MIGA1: variants seen among roughly 807,000 people sequenced by gnomAD.
The protein encoded by MIGA1 is family with sequence similarity 73, member A.
MIGA1 carries 58 observed loss-of-function variants against 82.0 expected under a neutral mutation model. The ratio of observed to expected loss-of-function variants is 0.71; its 90% confidence interval spans 0.57 to 0.88. The LOEUF (loss-of-function observed/expected upper bound fraction) is 0.88. Ranked by LOEUF, MIGA1 falls within the 40% of genes least tolerant of loss-of-function variation. The probability of loss-of-function intolerance (pLI) is 0.00; values close to 1 mark genes in which losing one functional copy is unlikely to be tolerated. For synonymous variants in MIGA1, 249 were observed against 253.6 expected (o/e 0.98, Z 0.17); for missense variants, 751 against 749.1 (o/e 1.00, Z -0.03).
chr1:77,848,620 G>A, intron 8 of MIGA1: 1 of 1,499,668 alleles, frequency 6.7e-7, no homozygotes, highest in Non-Finnish European at 9.2e-7. Flanking sequence ...ATCACTGGGA[G>A]CAAAACACAG....
intron 7 of MIGA1, among the ~76,000 whole-genome samples, chr1:77,818,009 G>A (rs1683638185): frequency 6.8e-6 from 1 of 146,900 alleles, no homozygotes; most frequent in Non-Finnish European, 1.5e-5. Context: ...AGGCTGGAGT[G>A]CAGTGGTGTG....
intron 7 of MIGA1, among the ~76,000 whole-genome samples, chr1:77,821,650 C>T (rs775564425): frequency 7.9e-5 from 12 of 151,994 alleles, no homozygotes; most frequent in Non-Finnish European, 1.5e-4. Context: ...CGCCTCCGCC[C>T]CCCAAAGTGC....
chr1:77,789,050 G>A (rs1392235532), intron 2 of MIGA1, among the ~76,000 whole-genome samples: 2 of 151,732 alleles, frequency 1.3e-5, no homozygotes, highest in African/African-American at 4.8e-5. Context: ...CATGGGATGT[G>A]TTTCTGTTTA....
chr1:77,875,073 A>G lies in MIGA1; in HGVS notation c.*9A>G. The G allele has an allele frequency of 6.3e-7, 1 of 1,585,456 alleles. No individual in the cohort carries two copies. The highest frequency in any genetic ancestry group is 8.7e-7 in the Non-Finnish European group (1 of 1,155,152). ...AAGCCAAAGTACAATAAGTACCATA[A>G]GAATCATACAATTTGAGTGTGCTAT... is the stretch of plus-strand genomic sequence containing the variant. On this transcript the variant is annotated 3_prime_UTR_variant, in exon 16 of 16. Transcript: ENST00000370791.
rs1274121452 is a variant in MIGA1 at position 77,878,861 on chromosome 1, AAAGT to A, written c.*3800_*3803del. The A allele has an allele frequency of 2.7e-6, 1 of 370,758 alleles. No individual in the cohort carries two copies. Among genetic ancestry groups the A allele is most frequent in the South Asian group, 1.3e-4 (1 of 7,516 alleles). 23.0% of individuals were successfully genotyped at this position (370,758 alleles called of 1,614,324 possible). ...CTCCAAAGAACTTTGTCTTTCTCAT[AAAGT>A]AATATTCTTTATTTGCATCCATTTA... is the stretch of plus-strand genomic sequence containing the variant. On this transcript the variant is annotated 3_prime_UTR_variant, in exon 16 of 16. Transcript: ENST00000370791.
At chr1:77,841,563 T>C (rs553455307) in intron 7 of MIGA1, among the ~76,000 whole-genome samples, 1 of 151,088 alleles carries the variant, frequency 6.6e-6, no homozygotes, top group South Asian at 2.1e-4. Context: ...AGATTGATGC[T>C]TTGAATAAAA....
chr1:77,815,254 C>A, intron 7 of MIGA1, 23 bp downstream of exon 7: 3 of 1,534,516 alleles, frequency 2.0e-6, no homozygotes, highest in African/African-American at 1.4e-5. Flanking sequence ...TTTCATATGG[C>A]TTTTATGAAA....
chr1:77,869,308 A>G (rs1446631312), intron 14 of MIGA1, among the ~76,000 whole-genome samples: 2 of 143,952 alleles, frequency 1.4e-5, no homozygotes, highest in African/African-American at 5.2e-5. Flanking sequence ...TTTTCTTAGT[A>G]CAGAACAAAA....
intron 14 of MIGA1, among the ~76,000 whole-genome samples, chr1:77,868,958 T>C (rs368212772): frequency 1.3e-5 from 2 of 151,488 alleles, no homozygotes; most frequent in African/African-American, 4.9e-5. Flanking sequence ...TTTTTATTGA[T>C]CATTCTTGGG....
chr1:77,836,279 A>T (rs1313856845), intron 7 of MIGA1, among the ~76,000 whole-genome samples: 2 of 152,244 alleles, frequency 1.3e-5, no homozygotes, highest in Admixed American at 1.3e-4. Flanking sequence ...AAACTTACTC[A>T]AGGTTACACA....
intron 4 of MIGA1, among the ~76,000 whole-genome samples, chr1:77,805,461 C>CTTTTTTTTTTTTTTTTTTTTTTTTT (rs11408292): frequency 9.1e-6 from 1 of 110,408 alleles, no homozygotes. Context: ...TATGCCTATT[C>CTTTTTTTTTTTTTTTTTTTTTTTTT]TTTTTTTTTT....
chr1:77,848,934 G>A (rs1684942296), intron 8 of MIGA1: 1 of 436,202 alleles, frequency 2.3e-6, no homozygotes, highest in African/African-American at 2.0e-5. Flanking sequence ...AAAATTTTAG[G>A]TTAAAATCAA....
chr1:77,868,763 A>T (rs1685773003), intron 14 of MIGA1: 1 of 152,180 alleles, frequency 6.6e-6, no homozygotes, highest in African/African-American at 2.4e-5. Flanking sequence ...CTATATGTAG[A>T]ACATACTTTT....
rs529212162 is a variant in MIGA1, at chr1:77,875,862, G to A, written c.*798G>A. The A allele has an allele frequency of 6.6e-6, 1 of 152,244 alleles. No homozygotes were observed. The highest frequency in any genetic ancestry group is 1.9e-4 in the East Asian group (1 of 5,186). The allele number at this position is 152,244 out of a possible 1,614,324, so 9.4% of individuals were successfully genotyped here. A position where few individuals can be genotyped will look rare whatever the true frequency, so the allele number is the denominator to read the frequency against. On this transcript the variant is annotated 3_prime_UTR_variant, in exon 16 of 16. Transcript: ENST00000370791. ...AAAAAATAAAAATAGGCTGGGTGTG[G>A]TGGTTCATGCCTGTAATCCTAGCAC...
At chr1:77,850,863 T>TTTC (rs930491909) in intron 8 of MIGA1, among the ~76,000 whole-genome samples, 12 of 18,810 alleles carry the variant, frequency 6.4e-4, no homozygotes, top group Non-Finnish European at 8.4e-4. Context: ...TCTTTCTTTC[T>TTTC]TTTTTTTTTT....
intron 8 of MIGA1, among the ~76,000 whole-genome samples, chr1:77,858,360 T>TA (rs1234524434): frequency 1.3e-5 from 2 of 151,712 alleles, no homozygotes; most frequent in Non-Finnish European, 2.9e-5. Flanking sequence ...AAAAAAAAGA[T>TA]ACAGTATTGG....
rs370853957 is a variant in MIGA1, at chr1:77,872,973, A to G, written c.1564-31A>G. Reference sequence around the variant, plus strand: ...AGAAAGCAAGTAACAAGAAGGTAGAAGTAACTTGATTCTCCTTTACTTCCC... The same window carrying G: ...AGAAAGCAAGTAACAAGAAGGTAGAGGTAACTTGATTCTCCTTTACTTCCC... On this transcript the variant is annotated intron_variant, in intron 14 of 15. Coordinates refer to ENST00000370791, the MANE Select transcript of MIGA1 (RefSeq NM_198549.4). 1.8e-5 allele frequency: 29 copies of G among 1,612,360 alleles called. No homozygotes were observed. In the South Asian group the frequency reaches 2.8e-4, roughly 15 times the overall value.
chr1:77,825,516 C>G (rs1189392929), intron 7 of MIGA1, among the ~76,000 whole-genome samples: 1 of 152,056 alleles, frequency 6.6e-6, no homozygotes, highest in Non-Finnish European at 1.5e-5. Flanking sequence ...TGTGTTGCTA[C>G]TTGTAGCACT....
intron 4 of MIGA1, among the ~76,000 whole-genome samples, chr1:77,806,389 C>T (rs551305878): frequency 1.2e-4 from 19 of 152,230 alleles, no homozygotes; most frequent in African/African-American, 4.3e-4. Context: ...GTTTGAGATG[C>T]CAGCAGAAGA....
Sources: gnomAD v4.1 joint callset for allele counts (sites outside exome capture counted in the v4.1 genomes callset) on GRCh38, gnomAD v4.1.1 for gene constraint, MANE v1.5 for transcripts, NCBI Gene and HGNC (gene_info 2026-07-23, HGNC 2026-07-21) for gene names.